Variants in GRPR observed in about 807,000 individuals in gnomAD.
GRPR encodes gastrin releasing peptide receptor, also known as gastrin-releasing peptide receptor.
GRPR carries 4 observed loss-of-function variants against 15.6 expected under a neutral mutation model. That is an observed-to-expected ratio of 0.26 (90% confidence interval 0.13 to 0.59). GRPR has a LOEUF of 0.59. Ranked by LOEUF, GRPR falls within the 20% of genes least tolerant of loss-of-function variation. GRPR has a pLI of 0.90. For missense variants in GRPR, 270 were observed against 304.1 expected, an observed-to-expected ratio of 0.89 and a Z score of 0.83; for synonymous variants, 128 against 126.8, an observed-to-expected ratio of 1.01 and a Z score of -0.06.
At chrX:16,152,228 G>C in intron 2 of GRPR, 28 bp from the exon 3 acceptor site, 2 of 1,173,162 alleles carry the variant, frequency 1.7e-6, no homozygotes, top group Non-Finnish European at 1.2e-6. Flanking sequence ...TGGTTCCTCT[G>C]TCTCTCTCCA....
Position 16,152,596 on chromosome X carries a change from C to T in GRPR, c.1106C>T (p.Ala369Val). The T allele has an allele frequency of 5.8e-6, 7 of 1,208,679 alleles. No homozygotes were observed. The South Asian group carries it at 7.0e-5, about 12-fold the overall frequency. Residue 369 changes from alanine (A) to valine (V), a missense_variant, in exon 3 of 3, where the codon GCC (alanine) becomes GTC (valine). Ala to Val is a moderately conservative substitution (Grantham distance 64). Transcript: ENST00000380289. The stretch of plus-strand genomic sequence containing the variant: ...CTCAAGAGTACCAACCCCTCCGTGG[C>T]CACCTTTAGCCTCATCAATGGAAAC... The part of the protein sequence containing the change: ...TSLKSTNPSV[A>V]TFSLINGNIC...
chrX:16,140,072 G>A (rs1274593546), intron 1 of GRPR, among the ~76,000 whole-genome samples: 1 of 111,906 alleles, frequency 8.9e-6, no homozygotes, highest in Non-Finnish European at 1.9e-5. Flanking sequence ...CTCTCTCCCC[G>A]TCTTGGACCT....
intron 1 of GRPR, among the ~76,000 whole-genome samples, chrX:16,132,039 G>A (rs1179503557): frequency 8.9e-6 from 1 of 112,549 alleles, no homozygotes; most frequent in African/African-American, 3.2e-5. Context: ...TCATTCTTTG[G>A]TGTATTCTCT....
At chrX:16,129,115 A>G (rs1922339953) in intron 1 of GRPR, among the ~76,000 whole-genome samples, 1 of 112,225 alleles carries the variant, frequency 8.9e-6, no homozygotes, top group Admixed American at 9.4e-5. Flanking sequence ...CCACTGTAAC[A>G]TGATTCTTCT....
At chrX:16,149,533 T>C (rs1294263031) in intron 1 of GRPR, among the ~76,000 whole-genome samples, 1 of 108,748 alleles carries the variant, frequency 9.2e-6, no homozygotes, top group Non-Finnish European at 1.9e-5. Flanking sequence ...TATTACTTTT[T>C]CAAGGGACCA....
intron 1 of GRPR, among the ~76,000 whole-genome samples, chrX:16,142,115 A>C (rs1922537923): frequency 8.9e-6 from 1 of 112,172 alleles, no homozygotes; most frequent in Admixed American, 9.4e-5. Flanking sequence ...ATAACAGAGA[A>C]GACACTTCTC....
In GRPR at chrX:16,152,409, G is replaced by T; in HGVS notation, c.919G>T (p.Ala307Ser). Residue 307 changes from alanine (A) to serine (S), a missense_variant, in exon 3 of 3, where the codon GCC (alanine) becomes TCC (serine). Physicochemically the swap from Ala to Ser is moderately conservative, Grantham distance 99. Around this residue, in one of 3 missense-constraint regions of GRPR, gnomAD observed 133 missense variants for 123.4 expected, o/e 1.08. Coordinates refer to ENST00000380289, the MANE Select transcript of GRPR (RefSeq NM_005314.3). ...GCTCCACTTTGTCACCAGCATCTGT[G>T]CCCGCCTCCTGGCCTTCACCAACTC... ...SMLHFVTSIC[A>S]RLLAFTNSCV... 8.3e-7 allele frequency: 1 copy of T among 1,210,826 alleles called. No homozygotes were observed. The highest frequency in any genetic ancestry group is 1.1e-6 in the Non-Finnish European group (1 of 894,822).
At chrX:16,148,866 G>A (rs1922646286) in intron 1 of GRPR, among the ~76,000 whole-genome samples, 2 of 111,652 alleles carry the variant, frequency 1.8e-5, no homozygotes, top group South Asian at 7.7e-4. Context: ...GAGATGTGCT[G>A]CTCAGACCTC....
At chrX:16,132,634 A>T (rs920539554) in intron 1 of GRPR, among the ~76,000 whole-genome samples, 3 of 111,731 alleles carry the variant, frequency 2.7e-5, no homozygotes, top group Non-Finnish European at 3.8e-5. Context: ...GTCTTCTAGC[A>T]TGGTTGATTA....
chrX:16,125,570 GAACA>G (rs1336041470), intron 1 of GRPR, among the ~76,000 whole-genome samples: 1 of 112,192 alleles, frequency 8.9e-6, no homozygotes, highest in Non-Finnish European at 1.9e-5. Context: ...TTTTGTAGAG[GAACA>G]AACAGTCCTC....
intron 1 of GRPR, among the ~76,000 whole-genome samples, chrX:16,138,138 G>A (rs1489368217): frequency 3.6e-5 from 4 of 111,687 alleles, no homozygotes; most frequent in Non-Finnish European, 7.5e-5. Flanking sequence ...TACTTTTTGG[G>A]AAGTAGGGGG....
At chrX:16,129,939 C>T (rs986282038) in intron 1 of GRPR, among the ~76,000 whole-genome samples, 1 of 111,523 alleles carries the variant, frequency 9.0e-6, no homozygotes, top group Non-Finnish European at 1.9e-5. Flanking sequence ...CATGTGCCAC[C>T]AGACTTCTCC....
At chrX:16,136,171 T>G (rs755112356) in intron 1 of GRPR, among the ~76,000 whole-genome samples, 1 of 111,873 alleles carries the variant, frequency 8.9e-6, no homozygotes, top group Non-Finnish European at 1.9e-5. Flanking sequence ...GGCCTCAGTC[T>G]CTGGTCTCAG....
chrX:16,137,795 C>A (rs1353887638), intron 1 of GRPR, among the ~76,000 whole-genome samples: 1 of 111,400 alleles, frequency 9.0e-6, no homozygotes, highest in Non-Finnish European at 1.9e-5. Flanking sequence ...TTGTCTTGAG[C>A]ATCTTGAACC....
chrX:16,127,269 G>A (rs1018997355), intron 1 of GRPR, among the ~76,000 whole-genome samples: 15 of 111,405 alleles, frequency 1.3e-4, no homozygotes, highest in Non-Finnish European at 2.6e-4. Flanking sequence ...CCCCTTCACC[G>A]GGTGAATTCG....
chrX:16,124,352 G>A lies in GRPR; in HGVS notation c.399G>A (p.Ala133=), dbSNP rs1299617422. 7.4e-6 allele frequency: 9 copies of A among 1,209,351 alleles called. No individual in the cohort carries two copies. The highest frequency in any genetic ancestry group is 1.8e-5 in the South Asian group (1 of 56,916). ...SVGVSVFTLT[A]LSADRYKAIV... ...GGGTGTCTGTCTTCACACTCACGGC[G>A]CTCTCGGCAGACAGGTAAGTACAGG... is the stretch of plus-strand genomic sequence containing the variant. The change falls in exon 1 of 3, where the codon GCG becomes GCA. Residue 133 remains alanine, a synonymous_variant. Transcript: ENST00000380289.
intron 1 of GRPR, among the ~76,000 whole-genome samples, chrX:16,134,265 C>T (rs1601943229): frequency 8.9e-6 from 1 of 111,916 alleles, no homozygotes; most frequent in South Asian, 3.7e-4. Flanking sequence ...TAGGCTGCTT[C>T]TGAAGCTTCC....
intron 1 of GRPR, among the ~76,000 whole-genome samples, chrX:16,136,412 A>G (rs147657127): frequency 1.8e-5 from 2 of 111,161 alleles, no homozygotes; most frequent in East Asian, 2.8e-4. Context: ...TAAACCCTCA[A>G]TGGCCGGGAA....
At position 16,152,496 on chromosome X, in the gene GRPR, C is replaced by G; in HGVS notation, c.1006C>G (p.Gln336Glu). 8.3e-7 allele frequency: 1 copy of G among 1,210,746 alleles called. No individual in the cohort carries two copies. Among genetic ancestry groups the G allele is most frequent in the Admixed American group, 2.2e-5 (1 of 46,095 alleles). Reference protein sequence around the residue: ...SKSFRKQFNTQLLCCQPGLII... With the variant: ...SKSFRKQFNTELLCCQPGLII... Reference sequence around the variant, plus strand: ...GAGTTTCAGGAAACAGTTCAACACTCAGCTGCTCTGTTGCCAGCCTGGCCT... The same window carrying G: ...GAGTTTCAGGAAACAGTTCAACACTGAGCTGCTCTGTTGCCAGCCTGGCCT... Residue 336 changes from glutamine (Q) to glutamate (E), a missense_variant, in exon 3 of 3, where the codon CAG (glutamine) becomes GAG (glutamate). By Grantham distance (29) the Gln-to-Glu change is conservative. Transcript: ENST00000380289.
Sources: allele counts gnomAD v4.1 joint callset (sites outside exome capture counted in the v4.1 genomes callset), GRCh38; gene constraint gnomAD v4.1.1; regional missense constraint gnomAD v4.1.1; transcripts MANE v1.5; gene names NCBI Gene and HGNC (gene_info 2026-07-23, HGNC 2026-07-21).